The following BCO2 variants were observed in gnomAD, a reference collection of about 807,000 sequenced individuals.
BCO2 encodes beta-carotene oxygenase 2, also known as carotenoid-cleaving dioxygenase, mitochondrial.
In BCO2, 56 loss-of-function variants were observed where a neutral mutation model predicts 65.8. The observed-to-expected ratio is 0.85, with a 90% CI of 0.69 to 1.06. BCO2 has a LOEUF of 1.06. BCO2 is among the 50% of genes least tolerant of loss of function. The probability of loss-of-function intolerance (pLI) is 0.00; values close to 1 mark genes in which losing one functional copy is unlikely to be tolerated. For missense variants in BCO2, 675 were observed against 698.5 expected (o/e 0.97, Z 0.38); for synonymous variants, 233 against 242.3 (o/e 0.96, Z 0.36).
chr11:112,203,595 T>G (rs1045446712), intron 8 of BCO2, among the ~76,000 whole-genome samples: 1 of 152,210 alleles, frequency 6.6e-6, no homozygotes, highest in Admixed American at 6.5e-5. Flanking sequence ...CTTTTTTGTG[T>G]GACAAGAGCA....
In BCO2 at chr11:112,199,786, C is replaced by T; in HGVS notation, c.824C>T (p.Ala275Val). The change falls in exon 6 of 12, where the codon GCT becomes GTT. Residue 275 changes from alanine to valine, a missense_variant. Physicochemically the swap from Ala to Val is moderately conservative, Grantham distance 64. Coordinates refer to ENST00000357685, the MANE Select transcript of BCO2 (RefSeq NM_031938.7). ...IHGVQVICSIASTEKGKPSYY... is the reference protein window; with the variant it reads ...IHGVQVICSIVSTEKGKPSYY... ...GGAGTCCAGGTGATATGTTCTATTG[C>T]TTCTACAGAGAAAGGGAAACCTTCT... 6.2e-7 allele frequency: 1 copy of T among 1,613,992 alleles called. No homozygotes were observed. The highest frequency in any genetic ancestry group is 8.5e-7 in the Non-Finnish European group (1 of 1,179,890).
chr11:112,179,794 C>T lies in BCO2; in HGVS notation c.293+312C>T, dbSNP rs192713356. The T allele has an allele frequency of 1.2e-3, 414 of 355,920 alleles. 2 individuals carry two copies. Among genetic ancestry groups the T allele is most frequent in the Non-Finnish European group, 2.6e-4 (48 of 187,820 alleles). The allele number at this position is 355,920 out of a possible 1,614,324, so 22.0% of individuals were successfully genotyped here. ...GTTCCTGAAGGAAGGGCAATGTCTC[C>T]TCATACCACTCTCTCCCTCACCCAG... On this transcript the variant is annotated intron_variant, in intron 2 of 11. Coordinates refer to ENST00000357685, the MANE Select transcript of BCO2 (RefSeq NM_031938.7).
chr11:112,210,494 A>T (rs1235613548), intron 8 of BCO2, among the ~76,000 whole-genome samples: 1 of 152,216 alleles, frequency 6.6e-6, no homozygotes, highest in Non-Finnish European at 1.5e-5. Flanking sequence ...CAGACCTATG[A>T]GGTCCCAACC....
intron 8 of BCO2, among the ~76,000 whole-genome samples, chr11:112,210,130 T>A (rs1859466426): frequency 6.6e-6 from 1 of 152,218 alleles, no homozygotes; most frequent in South Asian, 2.1e-4. Flanking sequence ...GAATATTGAT[T>A]TGGTTCTCTT....
chr11:112,207,704 T>G (rs1859385361), intron 8 of BCO2, among the ~76,000 whole-genome samples: 1 of 152,226 alleles, frequency 6.6e-6, no homozygotes, highest in African/African-American at 2.4e-5. Flanking sequence ...CACATTTTAA[T>G]TCTATTTGCA....
At chr11:112,195,267 T>C (rs918282150) in intron 5 of BCO2, among the ~76,000 whole-genome samples, 4 of 151,706 alleles carry the variant, frequency 2.6e-5, no homozygotes, top group Admixed American at 2.0e-4. Flanking sequence ...CTGGAGTAGC[T>C]GGGACTGCAG....
chr11:112,214,952 A>G lies in BCO2; in HGVS notation c.1515+8A>G. The stretch of plus-strand genomic sequence containing the variant: ...GTGAATAAGACACTGAAGGTGATGA[A>G]AAACTCTTTCCTTTTTGAACTTTTC... On this transcript the variant is annotated splice_region_variant and intron_variant, in intron 10 of 11. Transcript: ENST00000357685. 1 of 1,614,020 alleles carries G rather than the reference A, an allele frequency of 6.2e-7. No homozygotes were observed. The highest frequency in any genetic ancestry group is 1.1e-5 in the South Asian group (1 of 91,078).
chr11:112,188,433 C>G (rs543478156), intron 2 of BCO2, among the ~76,000 whole-genome samples: 8 of 151,880 alleles, frequency 5.3e-5, no homozygotes, highest in South Asian at 2.1e-4. Flanking sequence ...TCCAGGATGC[C>G]GGTCACACAG....
At position 112,194,750 on chromosome 11, in the gene BCO2, CA is replaced by C. The variant is rs1257885053; in HGVS notation, c.732del (p.Tyr245MetfsTer26). ...TACAATATGGGGAACTCCTTTGGGCCATATGGTAAAGTTGCAATAAAGGTCT... is the reference window on the plus strand; with the variant it reads ...TACAATATGGGGAACTCCTTTGGGCCTATGGTAAAGTTGCAATAAAGGTCT... ...TAYNMGNSFG[P>X]YGFSYKVIRV... On this transcript the variant is annotated frameshift_variant, in exon 5 of 12. Coordinates refer to ENST00000357685, the MANE Select transcript of BCO2 (RefSeq NM_031938.7). LOFTEE classifies it high-confidence loss of function. 5 of 1,587,786 alleles carry C rather than the reference CA, an allele frequency of 3.1e-6. No individual in the cohort carries two copies. Among genetic ancestry groups the C allele is most frequent in the Non-Finnish European group, 4.3e-6 (5 of 1,159,528 alleles).
intron 4 of BCO2, 152 bp from the exon 5 acceptor site, chr11:112,194,501 G>T: frequency 3.6e-6 from 2 of 559,326 alleles, no homozygotes; most frequent in Non-Finnish European, 3.1e-6. Context: ...TTTTTTAGTG[G>T]GAAAAATAAT....
Position 112,193,151 on chromosome 11 carries a change from G to A in BCO2, c.294-323G>A, listed in dbSNP as rs527734880. On this transcript the variant is annotated intron_variant, in intron 2 of 11. Transcript: ENST00000357685. ...TGCCACCATGCCCAGTTAATTTTTT[G>A]TATTTTTTAGTAGAGATGGGATTTC... Among the ~76,000 whole-genome samples, 5 of 151,388 alleles carry A rather than the reference G, an allele frequency of 3.3e-5. No homozygotes were observed. In the East Asian group the frequency reaches 9.7e-4, roughly 30 times the overall value.
Position 112,200,535 on chromosome 11 carries a change from C to G in BCO2, c.866-78C>G, listed in dbSNP as rs1479409915. ...TCAGTAACGTGTCCAGGCATTCAGA[C>G]AAGTCCCCATAACTGGCACATTTCA... On this transcript the variant is annotated intron_variant, in intron 6 of 11. Coordinates refer to ENST00000357685, the MANE Select transcript of BCO2 (RefSeq NM_031938.7). 5 of 1,333,334 alleles carry G rather than the reference C, an allele frequency of 3.8e-6. No homozygotes were observed. The African/African-American group carries it at 7.4e-5, about 20-fold the overall frequency. The allele number at this position is 1,333,334 out of a possible 1,614,324, so 82.6% of individuals were successfully genotyped here.
At chr11:112,211,553 C>T (rs751159244) in intron 8 of BCO2, among the ~76,000 whole-genome samples, 8 of 152,052 alleles carry the variant, frequency 5.3e-5, no homozygotes, top group Admixed American at 6.6e-5. Context: ...TATTTTTCTA[C>T]GGTGGCCACA....
chr11:112,204,719 C>G (rs1867824000), intron 8 of BCO2, among the ~76,000 whole-genome samples: 1 of 152,208 alleles, frequency 6.6e-6, no homozygotes, highest in Non-Finnish European at 1.5e-5. Flanking sequence ...GTTGCCCAGA[C>G]TGGAGTGCAA....
chr11:112,191,399 T>C (rs1441444963), intron 2 of BCO2, among the ~76,000 whole-genome samples: 2 of 152,094 alleles, frequency 1.3e-5, no homozygotes, highest in Non-Finnish European at 2.9e-5. Flanking sequence ...CATTTACAAT[T>C]GCAACAAAGA....
chr11:112,216,600 G>C (rs1372515610), intron 11 of BCO2, among the ~76,000 whole-genome samples: 1 of 152,186 alleles, frequency 6.6e-6, no homozygotes, highest in African/African-American at 2.4e-5. Flanking sequence ...AACTTTGTGG[G>C]ATACCATTTT....
chr11:112,216,182 A>G (rs754069138), intron 10 of BCO2, 38 bp from the exon 11 acceptor site: 2 of 1,408,054 alleles, frequency 1.4e-6, no homozygotes, highest in Non-Finnish European at 2.0e-6. Flanking sequence ...CCTACTTACT[A>G]CTTGCCTTTT....
chr11:112,197,774 A>G lies in BCO2; in HGVS notation c.737-1925A>G, dbSNP rs1247285296. Among the ~76,000 whole-genome samples the G allele has an allele frequency of 3.3e-5, 5 of 152,216 alleles. No homozygotes were observed. The East Asian group carries it at 9.7e-4, about 29-fold the overall frequency. ...GTTACCAGAGTTATCCTTTTAACCC[A>G]CACCCACTTCTCTGAGCTTACCTCC... On this transcript the variant is annotated intron_variant, in intron 5 of 11. Transcript: ENST00000357685.
intron 11 of BCO2, 45 bp from the exon 12 acceptor site, chr11:112,217,716 T>C: frequency 6.8e-7 from 1 of 1,474,310 alleles, no homozygotes; most frequent in Non-Finnish European, 9.4e-7. Flanking sequence ...AGGCAAATTT[T>C]TGATGAAAAA....
Sources: gnomAD v4.1 joint callset for allele counts (sites outside exome capture counted in the v4.1 genomes callset) on GRCh38, gnomAD v4.1.1 for gene constraint, MANE v1.5 for transcripts, NCBI Gene and HGNC (gene_info 2026-07-23, HGNC 2026-07-21) for gene names.